Variants in CNTNAP5 observed in about 807,000 individuals in gnomAD.
CNTNAP5 encodes the protein contactin associated protein family member 5.
A neutral mutation model predicts 150.2 loss-of-function variants in CNTNAP5; 72 were observed. That is an observed-to-expected ratio of 0.48 (90% CI 0.40 to 0.58). The LOEUF (loss-of-function observed/expected upper bound fraction) is 0.58. CNTNAP5 is among the 20% of genes least tolerant of loss of function. The pLI, the probability that CNTNAP5 is intolerant of heterozygous loss-of-function variation, is 0.00. For missense variants in CNTNAP5, 1,636 were observed against 1,626.2 expected (o/e 1.01, Z -0.10); for synonymous variants, 672 against 619.8 (o/e 1.08, Z -1.25).
chr2:124,706,814 A>G (rs1573560737), intron 13 of CNTNAP5, among the ~76,000 whole-genome samples: 1 of 8,852 alleles, frequency 1.1e-4, no homozygotes, highest in Non-Finnish European at 2.3e-4. Context: ...GAGGAGGAGG[A>G]GGAGGAGGAG....
rs1177232066 is a variant in CNTNAP5, at chr2:124,865,430, C to A, written c.3342C>A (p.Thr1114=). 1.3e-6 allele frequency: 2 copies of A among 1,551,354 alleles called. No homozygotes were observed. Among genetic ancestry groups the A allele is most frequent in the African/African-American group, 1.4e-5 (1 of 73,164 alleles). The change falls in exon 20 of 24, where the codon ACC becomes ACA. Residue 1114 remains threonine, a synonymous_variant. Coordinates refer to ENST00000682447, the MANE Select transcript of CNTNAP5 (RefSeq NM_001367498.1). ...LKINREGREL[T]IQMDQQLRLS... ...TTAACCGAGAGGGAAGAGAGCTTAC[C>A]ATTCAGGTACCTTCCTTACTTTCTC... is the stretch of plus-strand genomic sequence containing the variant.
intron 3 of CNTNAP5, among the ~76,000 whole-genome samples, chr2:124,290,468 A>G (rs1263447381): frequency 6.6e-6 from 1 of 152,178 alleles, no homozygotes; most frequent in Non-Finnish European, 1.5e-5. Flanking sequence ...AAATTTTAGA[A>G]AAGTCATCTT....
intron 19 of CNTNAP5, among the ~76,000 whole-genome samples, chr2:124,818,671 G>T (rs988333309): frequency 6.6e-6 from 1 of 151,868 alleles, no homozygotes; most frequent in African/African-American, 2.4e-5. Context: ...CACTCCATCC[G>T]CTCCTGTAGC....
At chr2:124,479,153 C>A (rs866962325) in intron 7 of CNTNAP5, among the ~76,000 whole-genome samples, 2 of 152,142 alleles carry the variant, frequency 1.3e-5, no homozygotes, top group Non-Finnish European at 1.5e-5. Flanking sequence ...TTATTATATG[C>A]TAATACAGCA....
At chr2:124,620,711 A>G (rs1357272230) in intron 12 of CNTNAP5, among the ~76,000 whole-genome samples, 1 of 150,742 alleles carries the variant, frequency 6.6e-6, no homozygotes, top group African/African-American at 2.4e-5. Flanking sequence ...TGTGAGAATT[A>G]GCATATATAT....
chr2:124,467,601 G>A (rs540900109), intron 6 of CNTNAP5, among the ~76,000 whole-genome samples: 110 of 152,184 alleles, frequency 7.2e-4, no homozygotes, highest in Non-Finnish European at 1.2e-3. Context: ...AGAATTAAGA[G>A]GTGTGTAGCC....
chr2:124,797,994 C>T (rs912361668), intron 18 of CNTNAP5, 102 bp from the exon 19 acceptor site: 36 of 755,802 alleles, frequency 4.8e-5, no homozygotes, highest in Non-Finnish European at 1.1e-5. Flanking sequence ...TATTACTCCT[C>T]ACACAGTGCC....
At chr2:124,413,351 TATC>T (rs1279154626) in intron 3 of CNTNAP5, among the ~76,000 whole-genome samples, 2 of 151,094 alleles carry the variant, frequency 1.3e-5, no homozygotes, top group African/African-American at 4.9e-5. Context: ...GAACTAGAAA[TATC>T]ATTTGACGCA....
chr2:124,388,152 T>C (rs1198435888), intron 3 of CNTNAP5, among the ~76,000 whole-genome samples: 1 of 152,168 alleles, frequency 6.6e-6, no homozygotes, highest in Non-Finnish European at 1.5e-5. Context: ...TGCTTTCAGA[T>C]GAACATTTGT....
intron 10 of CNTNAP5, among the ~76,000 whole-genome samples, chr2:124,542,031 G>C (rs1364109874): frequency 6.6e-6 from 1 of 151,954 alleles, no homozygotes; most frequent in East Asian, 1.9e-4. Context: ...CCTTTAGACA[G>C]GGTTTGCCTC....
chr2:124,570,295 T>G (rs12468201), intron 11 of CNTNAP5, among the ~76,000 whole-genome samples: 83,056 of 152,000 alleles, frequency 0.55, 23,025 homozygotes, highest in East Asian at 0.73. Flanking sequence ...ATTGACCTTT[T>G]AGCAGAGATT....
intron 13 of CNTNAP5, among the ~76,000 whole-genome samples, chr2:124,725,138 TGTAAAA>T (rs1416069026): frequency 2.0e-5 from 3 of 152,118 alleles, no homozygotes; most frequent in Non-Finnish European, 2.9e-5. Flanking sequence ...CTCACTGATT[TGTAAAA>T]TCTATTTCTG....
At chr2:124,581,891 G>A (rs755176081) in intron 11 of CNTNAP5, among the ~76,000 whole-genome samples, 30 of 152,174 alleles carry the variant, frequency 2.0e-4, no homozygotes, top group Non-Finnish European at 3.4e-4. Flanking sequence ...TTGCAGTGTC[G>A]ATGGTACCTC....
intron 1 of CNTNAP5, among the ~76,000 whole-genome samples, chr2:124,221,284 G>A (rs1033158943): frequency 5.9e-5 from 9 of 152,128 alleles, no homozygotes; most frequent in African/African-American, 1.9e-4. Flanking sequence ...CTGAAGATGG[G>A]AGAGTAGTCA....
rs1040983976 is a variant in CNTNAP5, at chr2:124,919,054, A to G, written c.*4766A>G. Among the ~76,000 whole-genome samples the G allele has an allele frequency of 6.6e-6, 1 of 151,714 alleles. No individual in the cohort carries two copies. Among genetic ancestry groups the G allele is most frequent in the Admixed American group, 6.6e-5 (1 of 15,222 alleles). ...GGAACCATCTACTCTGCAGATTTTT[A>G]TTGTCTCTAATTATCAGCTCTGCCT... On this transcript the variant is annotated 3_prime_UTR_variant, in exon 24 of 24. Transcript: ENST00000682447.
chr2:124,823,187 G>C (rs929434005), intron 19 of CNTNAP5, among the ~76,000 whole-genome samples: 1 of 152,202 alleles, frequency 6.6e-6, no homozygotes, highest in Non-Finnish European at 1.5e-5. Flanking sequence ...CAGTTGATAA[G>C]TGCAGATATG....
chr2:124,743,837 T>A (rs1033315453), intron 13 of CNTNAP5, among the ~76,000 whole-genome samples: 12 of 152,214 alleles, frequency 7.9e-5, no homozygotes, highest in Non-Finnish European at 1.8e-4. Context: ...TTTTGCAAAG[T>A]GCAGTTTAAA....
intron 3 of CNTNAP5, among the ~76,000 whole-genome samples, chr2:124,250,087 A>G (rs1687135811): frequency 6.6e-6 from 1 of 152,012 alleles, no homozygotes; most frequent in South Asian, 2.1e-4. Flanking sequence ...AAAACCCTAA[A>G]GCACTGTTTT....
intron 13 of CNTNAP5, among the ~76,000 whole-genome samples, chr2:124,686,803 A>T (rs560711429): frequency 1.3e-5 from 2 of 152,186 alleles, no homozygotes; most frequent in Non-Finnish European, 2.9e-5. Context: ...AGACAAGTCG[A>T]CCAGAATTAT....
Sources: gnomAD v4.1 joint callset for allele counts (sites outside exome capture counted in the v4.1 genomes callset) on GRCh38, gnomAD v4.1.1 for gene constraint, MANE v1.5 for transcripts, NCBI Gene and HGNC (gene_info 2026-07-23, HGNC 2026-07-21) for gene names.